LRP1B: variants seen among roughly 807,000 people sequenced by gnomAD.
The protein encoded by LRP1B is low-density lipoprotein receptor-related protein 1B.
In LRP1B, 217 loss-of-function variants were observed where a neutral mutation model predicts 556.6. That is an observed-to-expected ratio of 0.39 (90% CI 0.35 to 0.44). The LOEUF (loss-of-function observed/expected upper bound fraction) is 0.44. LRP1B is among the 20% of genes least tolerant of loss of function. LRP1B has a pLI of 1.00. For missense variants in LRP1B, 5,053 were observed against 5,620.8 expected, an observed-to-expected ratio of 0.90 and a Z score of 3.23; for synonymous variants, 2,047 against 1,865.8, an observed-to-expected ratio of 1.10 and a Z score of -2.50.
chr2:142,096,531 A>C (rs780141427), intron 1 of LRP1B, among the ~76,000 whole-genome samples: 6 of 151,444 alleles, frequency 4.0e-5, no homozygotes, highest in Non-Finnish European at 8.9e-5. Context: ...TGTTCCACTA[A>C]ATGATCCATA....
chr2:140,769,031 AT>A (rs11421307), intron 35 of LRP1B, among the ~76,000 whole-genome samples, 181 bp downstream of exon 35: 1 of 150,686 alleles, frequency 6.6e-6, no homozygotes, highest in Non-Finnish European at 1.5e-5. Context: ...ATTTTACTTG[AT>A]TTTTTTTTCA....
At chr2:141,397,166 A>AAGAGAAGT (rs1690272187) in intron 3 of LRP1B, among the ~76,000 whole-genome samples, 1 of 140,006 alleles carries the variant, frequency 7.1e-6, no homozygotes, top group African/African-American at 2.6e-5. Context: ...AGAAACTAGA[A>AAGAGAAGT]AGAGAAGTTT....
intron 2 of LRP1B, among the ~76,000 whole-genome samples, chr2:141,708,447 G>C (rs1192695011): frequency 6.6e-6 from 1 of 151,902 alleles, no homozygotes; most frequent in African/African-American, 2.4e-5. Flanking sequence ...AGGAGAAAAG[G>C]GACTCACCTA....
intron 52 of LRP1B, among the ~76,000 whole-genome samples, chr2:140,507,410 T>TA (rs1689465304): frequency 6.6e-6 from 1 of 152,118 alleles, no homozygotes; most frequent in Admixed American, 6.5e-5. Context: ...TTATTGTCTT[T>TA]AAAAAAATAA....
chr2:140,315,071 A>C lies in LRP1B; in HGVS notation c.12669T>G (p.Asn4223Lys), dbSNP rs1330587582. 1 of 1,610,410 alleles carries C rather than the reference A, an allele frequency of 6.2e-7. No homozygotes were observed. ...LDDSCKLTCENGGRCILNEKG... is the reference protein window; with the variant it reads ...LDDSCKLTCEKGGRCILNEKG... ...TCTCATTTAAAATGCATCTTCCTCCATTTTCACAAGTTAACTTACATGAAT... is the reference window on the plus strand; with the variant it reads ...TCTCATTTAAAATGCATCTTCCTCCCTTTTCACAAGTTAACTTACATGAAT... Residue 4223 changes from asparagine (N) to lysine (K), a missense_variant, in exon 83 of 91, where the codon AAT becomes AAG. Coordinates refer to ENST00000389484, the MANE Select transcript of LRP1B (RefSeq NM_018557.3).
chr2:141,674,522 C>A (rs753352556), intron 2 of LRP1B, among the ~76,000 whole-genome samples: 20 of 151,994 alleles, frequency 1.3e-4, no homozygotes, highest in Non-Finnish European at 1.2e-4. Context: ...TAAAGCTATT[C>A]CTTCACACTG....
At chr2:140,301,815 G>T (rs914488347) in intron 83 of LRP1B, among the ~76,000 whole-genome samples, 1 of 151,370 alleles carries the variant, frequency 6.6e-6, no homozygotes, top group Non-Finnish European at 1.5e-5. Context: ...ATAAAGTACA[G>T]AAAAAATCAA....
chr2:141,760,319 T>C (rs1694492778), intron 2 of LRP1B, among the ~76,000 whole-genome samples: 1 of 152,256 alleles, frequency 6.6e-6, no homozygotes, highest in South Asian at 2.1e-4. Context: ...TAAGTCATTG[T>C]TAAGTAAAAA....
At chr2:141,807,753 G>A (rs938204660) in intron 2 of LRP1B, among the ~76,000 whole-genome samples, 1 of 152,096 alleles carries the variant, frequency 6.6e-6, no homozygotes, top group African/African-American at 2.4e-5. Flanking sequence ...AAGGTGGTAT[G>A]TACATTATGG....
At chr2:140,998,353 T>C (rs569997701) in intron 15 of LRP1B, among the ~76,000 whole-genome samples, 2 of 152,232 alleles carry the variant, frequency 1.3e-5, no homozygotes, top group African/African-American at 4.8e-5. Context: ...GAAGTTGTTG[T>C]TAATAGTGAC....
chr2:141,368,445 A>G (rs1032945200), intron 3 of LRP1B, among the ~76,000 whole-genome samples: 6 of 152,208 alleles, frequency 3.9e-5, no homozygotes, highest in African/African-American at 9.6e-5. Flanking sequence ...ACAGAGGGGA[A>G]AAGTTCCTTG....
intron 82 of LRP1B, among the ~76,000 whole-genome samples, chr2:140,317,622 T>C (rs1196606706): frequency 1.3e-5 from 2 of 152,100 alleles, no homozygotes; most frequent in Non-Finnish European, 2.9e-5. Context: ...AATATGCTTG[T>C]TTAATTTAAA....
chr2:141,979,007 C>A (rs1328658097), intron 1 of LRP1B, among the ~76,000 whole-genome samples: 1 of 151,062 alleles, frequency 6.6e-6, no homozygotes, highest in Non-Finnish European at 1.5e-5. Flanking sequence ...TCTGGCAAAC[C>A]AATGGTCTAT....
chr2:141,017,361 C>T (rs1697930832), intron 12 of LRP1B, among the ~76,000 whole-genome samples: 1 of 151,492 alleles, frequency 6.6e-6, no homozygotes, highest in Non-Finnish European at 1.5e-5. Flanking sequence ...TCATTTATAA[C>T]ATTAATATTG....
At chr2:141,817,132 G>A (rs925548422) in intron 1 of LRP1B, among the ~76,000 whole-genome samples, 2 of 152,118 alleles carry the variant, frequency 1.3e-5, no homozygotes, top group Non-Finnish European at 2.9e-5. Flanking sequence ...TTGTATATAT[G>A]TGTGTTTTTC....
At position 141,490,384 on chromosome 2, in the gene LRP1B, T is replaced by TGC. The variant is rs780770098; in HGVS notation, c.206-9852_206-9851insGC. Reference sequence around the variant, plus strand: ...TAAAATAGCCTCGTGTGTGTGTGTGTGTGTGTGTGTGTGTGTTTTCTGCTA... The same window carrying TGC: ...TAAAATAGCCTCGTGTGTGTGTGTGTGCGTGTGTGTGTGTGTGTTTTCTGCTA... On this transcript the variant is annotated intron_variant, in intron 2 of 90. Coordinates refer to ENST00000389484, the MANE Select transcript of LRP1B (RefSeq NM_018557.3). Among the ~76,000 whole-genome samples the TGC allele has an allele frequency of 4.1e-3, 616 of 149,788 alleles. 4 individuals are homozygous for TGC. Among genetic ancestry groups the TGC allele is most frequent in the African/African-American group, 9.8e-3 (395 of 40,242 alleles).
chr2:141,202,151 C>T (rs1199598401), intron 6 of LRP1B, among the ~76,000 whole-genome samples: 5 of 152,076 alleles, frequency 3.3e-5, no homozygotes, highest in Non-Finnish European at 5.9e-5. Context: ...TTGTTGCCCC[C>T]ACCTCATGCG....
At chr2:140,718,272 T>C (rs1374868002) in intron 35 of LRP1B, among the ~76,000 whole-genome samples, 2 of 152,022 alleles carry the variant, frequency 1.3e-5, no homozygotes, top group Non-Finnish European at 2.9e-5. Flanking sequence ...CTCCATCCTC[T>C]GTTTCTTAGA....
At chr2:140,885,453 C>A (rs1693607107) in intron 24 of LRP1B, among the ~76,000 whole-genome samples, 1 of 151,608 alleles carries the variant, frequency 6.6e-6, no homozygotes, top group Non-Finnish European at 1.5e-5. Flanking sequence ...CAGGTTCACG[C>A]AATTCTCCTA....
Sources: gnomAD v4.1 joint callset for allele counts (sites outside exome capture counted in the v4.1 genomes callset) on GRCh38, gnomAD v4.1.1 for gene constraint, MANE v1.5 for transcripts, NCBI Gene and HGNC (gene_info 2026-07-23, HGNC 2026-07-21) for gene names.